TXNDC16: variants seen among roughly 807,000 people sequenced by gnomAD.
The protein encoded by TXNDC16 is thioredoxin domain-containing protein 16.
A neutral mutation model predicts 85.6 loss-of-function variants in TXNDC16; 74 were observed. That is an observed-to-expected ratio of 0.86 (90% CI 0.72 to 1.05). The LOEUF is 1.05. Among genes scored for constraint, TXNDC16 ranks in the 50% least tolerant of loss-of-function variants. The pLI, the probability that TXNDC16 is intolerant of heterozygous loss-of-function variation, is 0.00. For missense variants in TXNDC16, 959 were observed against 947.0 expected (o/e 1.01, Z -0.17); for synonymous variants, 335 against 326.5 (o/e 1.03, Z -0.28).
chr14:52,513,467 T>A (rs1448248560), intron 8 of TXNDC16, among the ~76,000 whole-genome samples: 2 of 152,140 alleles, frequency 1.3e-5, no homozygotes, highest in African/African-American at 4.8e-5. Flanking sequence ...ATCACCATCT[T>A]GTTACCCATG....
At chr14:52,547,338 A>C (rs2037960673) in intron 1 of TXNDC16, among the ~76,000 whole-genome samples, 1 of 152,234 alleles carries the variant, frequency 6.6e-6, no homozygotes, top group African/African-American at 2.4e-5. Context: ...CAGAGTAAAA[A>C]GTATTTGTTA....
chr14:52,477,944 A>G (rs888025363), intron 14 of TXNDC16, among the ~76,000 whole-genome samples: 6 of 152,216 alleles, frequency 3.9e-5, no homozygotes, highest in Non-Finnish European at 8.8e-5. Flanking sequence ...AATGAGCCTC[A>G]ATAAATTCAA....
chr14:52,495,207 G>A (rs2036502653), intron 9 of TXNDC16, among the ~76,000 whole-genome samples: 1 of 152,202 alleles, frequency 6.6e-6, no homozygotes, highest in African/African-American at 2.4e-5. Flanking sequence ...TTCAACTGGA[G>A]GCTGAAGATT....
intron 7 of TXNDC16, among the ~76,000 whole-genome samples, chr14:52,516,216 A>G (rs537595413): frequency 1.3e-5 from 2 of 152,208 alleles, no homozygotes; most frequent in African/African-American, 4.8e-5. Flanking sequence ...CTGTTATCCA[A>G]TATCGTCTTC....
intron 1 of TXNDC16, among the ~76,000 whole-genome samples, chr14:52,549,542 G>T (rs1035725459): frequency 6.6e-6 from 1 of 152,114 alleles, no homozygotes; most frequent in African/African-American, 2.4e-5. Context: ...CCTTAGGCAG[G>T]TAGAACAGCT....
At chr14:52,534,090 T>G (rs893201258) in intron 6 of TXNDC16, among the ~76,000 whole-genome samples, 3 of 152,224 alleles carry the variant, frequency 2.0e-5, no homozygotes, top group Admixed American at 2.0e-4. Context: ...ATATTGCATA[T>G]GATCAGGCCT....
At chr14:52,458,452 G>C (rs982787891) in intron 16 of TXNDC16, among the ~76,000 whole-genome samples, 3 of 152,148 alleles carry the variant, frequency 2.0e-5, no homozygotes, top group African/African-American at 7.2e-5. Context: ...AGCTACTCAG[G>C]AGGCTGAGGC....
At chr14:52,527,808 A>G (rs2037372664) in intron 6 of TXNDC16, among the ~76,000 whole-genome samples, 1 of 152,128 alleles carries the variant, frequency 6.6e-6, no homozygotes, top group African/African-American at 2.4e-5. Context: ...TAGGGTAACA[A>G]CTCAGACTCT....
At chr14:52,502,156 T>C (rs923973375) in intron 9 of TXNDC16, among the ~76,000 whole-genome samples, 3 of 152,238 alleles carry the variant, frequency 2.0e-5, no homozygotes, top group Non-Finnish European at 4.4e-5. Flanking sequence ...CAGATCTTTC[T>C]TGGTTTTATG....
chr14:52,470,893 C>A (rs754686898), intron 14 of TXNDC16, among the ~76,000 whole-genome samples: 9 of 152,290 alleles, frequency 5.9e-5, no homozygotes, highest in Non-Finnish European at 1.2e-4. Flanking sequence ...CTTTTGCAGG[C>A]TCTTCAGCCA....
chr14:52,518,738 T>A (rs1397185014), intron 7 of TXNDC16, among the ~76,000 whole-genome samples: 2 of 152,064 alleles, frequency 1.3e-5, no homozygotes, highest in Admixed American at 6.6e-5. Context: ...AGGAGGGCTA[T>A]AAGGAAATTA....
intron 9 of TXNDC16, among the ~76,000 whole-genome samples, chr14:52,504,119 G>C (rs963605049): frequency 7.2e-5 from 11 of 152,186 alleles, no homozygotes; most frequent in Non-Finnish European, 5.9e-5. Context: ...GTGAGGGGGA[G>C]GATGGAACCA....
intron 14 of TXNDC16, 22 bp downstream of exon 14, chr14:52,482,208 C>A: frequency 6.3e-7 from 1 of 1,580,806 alleles, no homozygotes; most frequent in Admixed American, 1.8e-5. Flanking sequence ...GAATAATAAG[C>A]ATGCATAGCA....
At chr14:52,540,252 A>T (rs2037798200) in intron 4 of TXNDC16, among the ~76,000 whole-genome samples, 1 of 152,078 alleles carries the variant, frequency 6.6e-6, no homozygotes, top group African/African-American at 2.4e-5. Flanking sequence ...AACAATCTTA[A>T]ATGCTGCTTT....
chr14:52,532,000 A>G (rs1484025187), intron 6 of TXNDC16, among the ~76,000 whole-genome samples: 1 of 152,148 alleles, frequency 6.6e-6, no homozygotes, highest in Non-Finnish European at 1.5e-5. Flanking sequence ...TTGTTTCTTA[A>G]AAATCCGAAA....
chr14:52,484,709 G>A (rs1398142555), intron 12 of TXNDC16, among the ~76,000 whole-genome samples: 4 of 151,936 alleles, frequency 2.6e-5, no homozygotes, highest in East Asian at 1.9e-4. Flanking sequence ...GTGAAACCCC[G>A]TCTCTACTAA....
chr14:52,513,335 C>CA (rs753384774), intron 8 of TXNDC16, among the ~76,000 whole-genome samples: 9 of 152,068 alleles, frequency 5.9e-5, no homozygotes, highest in Admixed American at 1.3e-4. Flanking sequence ...AGAATGTATT[C>CA]ACCTCACTCC....
intron 4 of TXNDC16, among the ~76,000 whole-genome samples, chr14:52,538,997 A>G (rs1043892824): frequency 6.6e-6 from 1 of 152,220 alleles, no homozygotes; most frequent in Non-Finnish European, 1.5e-5. Flanking sequence ...GATGGTTGGT[A>G]TTATGACAAT....
chr14:52,495,656 T>C (rs1244578350), intron 9 of TXNDC16, among the ~76,000 whole-genome samples: 1 of 152,114 alleles, frequency 6.6e-6, no homozygotes, highest in East Asian at 1.9e-4. Context: ...ACTGCAGCGG[T>C]AGTCTGCCCC....
Sources: allele counts gnomAD v4.1 joint callset (sites outside exome capture counted in the v4.1 genomes callset), GRCh38; gene constraint gnomAD v4.1.1; transcripts MANE v1.5; gene names NCBI Gene and HGNC (gene_info 2026-07-23, HGNC 2026-07-21).